Variants in ROBO2 observed in about 807,000 individuals in gnomAD.
The protein encoded by ROBO2 is roundabout homolog 2.
ROBO2 carries 53 observed loss-of-function variants against 160.8 expected under a neutral mutation model. The observed-to-expected ratio is 0.33, with a 90% CI of 0.26 to 0.41. ROBO2 has a LOEUF of 0.41. ROBO2 is among the 10% of genes least tolerant of loss of function. The pLI is 1.00. For missense variants in ROBO2, 1,577 were observed against 1,722.4 expected, an observed-to-expected ratio of 0.92 and a Z score of 1.49; for synonymous variants, 664 against 611.7, an observed-to-expected ratio of 1.09 and a Z score of -1.26.
intron 2 of ROBO2, among the ~76,000 whole-genome samples, chr3:77,359,488 CT>C (rs1175195961): frequency 1.3e-5 from 2 of 152,108 alleles, no homozygotes; most frequent in Non-Finnish European, 2.9e-5. Context: ...CAATATGTGC[CT>C]TTCCAGAGTA....
intron 2 of ROBO2, among the ~76,000 whole-genome samples, chr3:76,267,310 A>T (rs1707159565): frequency 6.6e-6 from 1 of 152,162 alleles, no homozygotes; most frequent in African/African-American, 2.4e-5. Context: ...TCAATGTGTG[A>T]CACTTTCATT....
At chr3:76,945,702 T>C (rs1167332031) in intron 2 of ROBO2, among the ~76,000 whole-genome samples, 1 of 152,196 alleles carries the variant, frequency 6.6e-6, no homozygotes, top group Admixed American at 6.5e-5. Context: ...ACTAATCATT[T>C]TTCAGCAATT....
chr3:76,862,548 A>G (rs963316080), intron 2 of ROBO2, among the ~76,000 whole-genome samples: 3 of 152,088 alleles, frequency 2.0e-5, no homozygotes, highest in Non-Finnish European at 2.9e-5. Flanking sequence ...TTATGATCTA[A>G]TGATGATAAA....
At position 77,493,883 on chromosome 3, in the gene ROBO2, C is replaced by T. The variant is rs1381322743; in HGVS notation, c.806+501C>T. Among the ~76,000 whole-genome samples, 2 of 152,124 alleles carry T rather than the reference C, an allele frequency of 1.3e-5. 1 individual carries two copies. Among genetic ancestry groups the T allele is most frequent in the Non-Finnish European group, 2.9e-5 (2 of 68,006 alleles). ...GTAGCAAGTAGTTGGCATCATTTTT[C>T]ACATAGGGGATTTCCAACACAGAGA... is the stretch of plus-strand genomic sequence containing the variant. On this transcript the variant is annotated intron_variant, in intron 5 of 25. Transcript: ENST00000461745.
At chr3:76,133,726 G>A (rs908172911) in intron 2 of ROBO2, among the ~76,000 whole-genome samples, 1 of 152,106 alleles carries the variant, frequency 6.6e-6, no homozygotes, top group Non-Finnish European at 1.5e-5. Context: ...ACCCAGCATG[G>A]GAGAAAGATG....
exon 15 of ROBO2, chr3:77,577,523 T>G: frequency 1.9e-6 from 3 of 1,613,364 alleles, no homozygotes; most frequent in Non-Finnish European, 2.5e-6. Context: ...GTCACTGTAC[T>G]GACAGTTGGA....
chr3:76,689,431 T>A (rs1275186555), intron 2 of ROBO2, among the ~76,000 whole-genome samples: 1 of 152,110 alleles, frequency 6.6e-6, no homozygotes, highest in Non-Finnish European at 1.5e-5. Context: ...TATTAATTCA[T>A]TTGTATATTT....
chr3:76,842,598 A>C (rs1324429934), intron 2 of ROBO2, among the ~76,000 whole-genome samples: 1 of 152,198 alleles, frequency 6.6e-6, no homozygotes, highest in East Asian at 1.9e-4. Flanking sequence ...TAATGAGATT[A>C]GTTATTGCTT....
intron 2 of ROBO2, among the ~76,000 whole-genome samples, chr3:76,096,004 A>G (rs1444253173): frequency 1.3e-5 from 2 of 152,196 alleles, no homozygotes; most frequent in African/African-American, 2.4e-5. Flanking sequence ...TTTAAAAGGT[A>G]TTAAAGAATA....
intron 2 of ROBO2, among the ~76,000 whole-genome samples, chr3:77,406,555 C>A (rs1291683169): frequency 6.6e-6 from 1 of 152,066 alleles, no homozygotes; most frequent in East Asian, 1.9e-4. Context: ...AAAAGGAGTG[C>A]TGACTGGAAA....
chr3:76,121,085 A>G (rs2070734427), intron 2 of ROBO2, among the ~76,000 whole-genome samples: 1 of 152,162 alleles, frequency 6.6e-6, no homozygotes, highest in Non-Finnish European at 1.5e-5. Context: ...TATTCCAAGG[A>G]TGAAAGAGAG....
chr3:75,926,664 A>G (rs1947305105), intron 1 of ROBO2, among the ~76,000 whole-genome samples: 1 of 151,622 alleles, frequency 6.6e-6, no homozygotes, highest in Non-Finnish European at 1.5e-5. Context: ...ATTAGGTATC[A>G]GAGTTTATGG....
intron 2 of ROBO2, among the ~76,000 whole-genome samples, chr3:76,202,731 T>G (rs1177572615): frequency 1.3e-5 from 2 of 152,106 alleles, no homozygotes; most frequent in Non-Finnish European, 2.9e-5. Flanking sequence ...GGAAAAGAAG[T>G]AATGTGTATA....
At chr3:76,133,251 C>T (rs572509700) in intron 2 of ROBO2, among the ~76,000 whole-genome samples, 1 of 152,020 alleles carries the variant, frequency 6.6e-6, no homozygotes, top group Non-Finnish European at 1.5e-5. Context: ...AATATACAAC[C>T]AGATTTTAGG....
In ROBO2 at chr3:76,122,898, C is replaced by A. The variant is rs145698642; in HGVS notation, c.109+185296C>A. Among the ~76,000 whole-genome samples the A allele has an allele frequency of 9.9e-4, 151 of 152,188 alleles. 1 individual carries two copies. The highest frequency in any genetic ancestry group is 3.2e-3 in the African/African-American group (133 of 41,540). On this transcript the variant is annotated intron_variant, in intron 2 of 26. Coordinates refer to the ROBO2 transcript ENST00000487694. ...AAAAATTGATTTCAACCCTGGATTG[C>A]CACCACATCCGGCTAACTTTTTGTA...
intron 2 of ROBO2, among the ~76,000 whole-genome samples, chr3:76,623,059 T>C (rs1251682516): frequency 2.1e-5 from 3 of 139,682 alleles, no homozygotes; most frequent in Non-Finnish European, 3.1e-5. Context: ...CATCAATGCA[T>C]GTACTATCTG....
chr3:77,527,846 C>T (rs80119145), intron 6 of ROBO2, among the ~76,000 whole-genome samples: 5,703 of 151,452 alleles, frequency 0.038, 210 homozygotes, highest in East Asian at 0.17. Context: ...TAAGTTACTC[C>T]GAGTCCCAGT....
At chr3:77,625,643 T>C (rs2095001917) in intron 23 of ROBO2, among the ~76,000 whole-genome samples, 1 of 152,158 alleles carries the variant, frequency 6.6e-6, no homozygotes. Flanking sequence ...CCCAAAGTGC[T>C]GGGATTACAG....
chr3:76,557,057 C>T (rs2083841293), intron 2 of ROBO2, among the ~76,000 whole-genome samples: 1 of 151,924 alleles, frequency 6.6e-6, no homozygotes, highest in Admixed American at 6.6e-5. Flanking sequence ...AGATAGTTAC[C>T]TTAATACCTT....
Sources: allele counts gnomAD v4.1 joint callset (sites outside exome capture counted in the v4.1 genomes callset), GRCh38; gene constraint gnomAD v4.1.1; transcripts MANE v1.5; gene names NCBI Gene and HGNC (gene_info 2026-07-23, HGNC 2026-07-21).